The following TANC2 variants were observed in gnomAD, a reference collection of about 807,000 sequenced individuals.
The protein encoded by TANC2 is protein TANC2.
TANC2 carries 26 observed loss-of-function variants against 210.5 expected under a neutral mutation model. The ratio of observed to expected loss-of-function variants is 0.12; its 90% CI spans 0.09 to 0.17. The LOEUF (loss-of-function observed/expected upper bound fraction) is 0.17. TANC2 is among the 10% of genes least tolerant of loss of function. The pLI, the probability that TANC2 is intolerant of heterozygous loss-of-function variation, is 1.00. For synonymous variants in TANC2, 931 were observed against 967.1 expected (o/e 0.96, Z 0.69); for missense variants, 2,129 against 2,608.9 (o/e 0.82, Z 4.01).
At chr17:62,991,695 A>AAT (rs1208276806) in intron 1 of TANC2, among the ~76,000 whole-genome samples, 1 of 152,110 alleles carries the variant, frequency 6.6e-6, no homozygotes, top group African/African-American at 2.4e-5. Flanking sequence ...AATACAAATA[A>AAT]ATATAGTATA....
rs1396524583 is a variant in TANC2 at position 63,417,229 on chromosome 17, A to C, written c.4168-1078A>C. ...GAGGATTTCCCATCAACTTTTAAAA[A>C]ATTTTTTTACCTATGCCCCAGGGCC... On this transcript the variant is annotated intron_variant, in intron 26 of 27. Transcript: ENST00000689528. 3.3e-5 allele frequency among the ~76,000 whole-genome samples: 5 copies of C among 152,058 alleles called. No individual in the cohort carries two copies. In the South Asian group the frequency reaches 1.0e-3, roughly 32 times the overall value.
chr17:63,232,688 A>G (rs2042509898), intron 7 of TANC2, among the ~76,000 whole-genome samples: 2 of 152,158 alleles, frequency 1.3e-5, no homozygotes, highest in Admixed American at 1.3e-4. Context: ...CCTCCTGTAT[A>G]AGGTGTCTGG....
intron 9 of TANC2, among the ~76,000 whole-genome samples, chr17:63,269,794 T>G (rs1199341017): frequency 6.6e-6 from 1 of 152,132 alleles, no homozygotes; most frequent in African/African-American, 2.4e-5. Flanking sequence ...ATCTTTTCCA[T>G]TGCATTGATC....
chr17:63,402,778 G>T lies in TANC2; in HGVS notation c.3332-2344G>T, dbSNP rs143051781. ...TTAGGAAGAAAGTTGGTTCCTAACT[G>T]CTCTGTTTGCAGTTTGGTGTTTTAT... On this transcript the variant is annotated intron_variant, in intron 19 of 27. Transcript: ENST00000689528. Among the ~76,000 whole-genome samples, 6 of 152,314 alleles carry T rather than the reference G, an allele frequency of 3.9e-5. No individual in the cohort carries two copies. In the East Asian group the frequency reaches 1.2e-3, roughly 29 times the overall value.
intron 3 of TANC2, among the ~76,000 whole-genome samples, chr17:63,096,454 A>G (rs977686341): frequency 2.6e-5 from 4 of 152,186 alleles, no homozygotes; most frequent in Non-Finnish European, 4.4e-5. Context: ...AACATGGCAG[A>G]TTGTGGATTT....
chr17:62,980,280 C>T (rs560838140), intron 1 of TANC2, among the ~76,000 whole-genome samples: 2 of 152,288 alleles, frequency 1.3e-5, no homozygotes, highest in African/African-American at 4.8e-5. Flanking sequence ...GACTTCTGGG[C>T]TCTCTCCCAC....
At chr17:63,360,744 G>A (rs2046932477) in intron 14 of TANC2, among the ~76,000 whole-genome samples, 2 of 152,028 alleles carry the variant, frequency 1.3e-5, no homozygotes, top group Admixed American at 1.3e-4. Flanking sequence ...TTCTTTCTAT[G>A]TTTTGTACCC....
chr17:63,046,384 G>T (rs1432494273), intron 2 of TANC2, among the ~76,000 whole-genome samples: 1 of 137,342 alleles, frequency 7.3e-6, no homozygotes, highest in African/African-American at 2.8e-5. Flanking sequence ...CCAGGCTGGA[G>T]TGCAGTGGCG....
chr17:62,971,613 A>G (rs2031698097), intron 1 of TANC2, among the ~76,000 whole-genome samples: 1 of 152,190 alleles, frequency 6.6e-6, no homozygotes, highest in African/African-American at 2.4e-5. Flanking sequence ...TACAGGTGTG[A>G]GCCAACTGTG....
intron 4 of TANC2, among the ~76,000 whole-genome samples, chr17:63,136,557 G>C (rs1027042417): frequency 1.3e-5 from 2 of 152,174 alleles, no homozygotes; most frequent in African/African-American, 4.8e-5. Context: ...ATTATAGGCA[G>C]TACTAAGGAT....
rs570083461 is a variant in TANC2, at chr17:63,370,386, G to A, written c.2583-9332G>A. The stretch of plus-strand genomic sequence containing the variant: ...GTAGAGACAGAGTTTCACCATGTTA[G>A]CCAGGATGGTTTCGATCTCCTGACC... On this transcript the variant is annotated intron_variant, in intron 14 of 27. Coordinates refer to ENST00000689528, the Ensembl canonical transcript of TANC2. Among the ~76,000 whole-genome samples, 334 of 151,908 alleles carry A rather than the reference G, an allele frequency of 2.2e-3. 1 individual carries two copies. The highest frequency in any genetic ancestry group is 0.01 in the Middle Eastern group (3 of 292).
chr17:63,035,855 C>G (rs2034951443), intron 2 of TANC2, among the ~76,000 whole-genome samples: 1 of 152,158 alleles, frequency 6.6e-6, no homozygotes, highest in African/African-American at 2.4e-5. Context: ...GCTCCACCCA[C>G]TTGGTAGCAC....
In TANC2 at chr17:63,259,489, G is replaced by A. The variant is rs74775113; in HGVS notation, c.1034-8259G>A. ...GCAGGGGGACAGGGAAACAATCGTTGGAGGGTATTATTTGACTATCTTGTT... is the reference window on the plus strand; with the variant it reads ...GCAGGGGGACAGGGAAACAATCGTTAGAGGGTATTATTTGACTATCTTGTT... On this transcript the variant is annotated intron_variant, in intron 8 of 27. Coordinates refer to ENST00000689528, the Ensembl canonical transcript of TANC2. Among the ~76,000 whole-genome samples, 1,490 of 152,252 alleles carry A rather than the reference G, an allele frequency of 9.8e-3. 5 individuals carry two copies. The highest frequency in any genetic ancestry group is 0.02 in the Middle Eastern group (6 of 294).
chr17:63,392,358 C>A (rs1308499099), intron 17 of TANC2, among the ~76,000 whole-genome samples: 1 of 152,156 alleles, frequency 6.6e-6, no homozygotes, highest in Non-Finnish European at 1.5e-5. Context: ...GCATCTTTAC[C>A]CTCCTCTTTC....
At chr17:63,115,890 C>T (rs986798371) in intron 4 of TANC2, among the ~76,000 whole-genome samples, 1 of 152,070 alleles carries the variant, frequency 6.6e-6, no homozygotes, top group Non-Finnish European at 1.5e-5. Context: ...GCTGTTAGTC[C>T]AACTACAGTC....
At chr17:62,980,565 A>G (rs1056861722) in intron 1 of TANC2, among the ~76,000 whole-genome samples, 2 of 152,170 alleles carry the variant, frequency 1.3e-5, no homozygotes, top group Admixed American at 6.5e-5. Flanking sequence ...TTAACATGCA[A>G]TACTCTGGCT....
At chr17:62,967,320 C>T (rs1322983265) in intron 1 of TANC2, 1 of 151,772 alleles carries the variant, frequency 6.6e-6, no homozygotes, top group Non-Finnish European at 1.5e-5. Flanking sequence ...AGAAAGTAAC[C>T]ACGTGAAAGA....
At chr17:63,201,441 T>C (rs1412743331) in intron 7 of TANC2, among the ~76,000 whole-genome samples, 1 of 152,164 alleles carries the variant, frequency 6.6e-6, no homozygotes, top group Non-Finnish European at 1.5e-5. Flanking sequence ...TTCTTGTCAA[T>C]AAGACAGCCC....
intron 4 of TANC2, among the ~76,000 whole-genome samples, chr17:63,121,565 T>C (rs1257333096): frequency 6.6e-6 from 1 of 152,156 alleles, no homozygotes; most frequent in Non-Finnish European, 1.5e-5. Flanking sequence ...AAAGGAAACC[T>C]GGAAATTTCT....
Sources: allele counts gnomAD v4.1 joint callset (sites outside exome capture counted in the v4.1 genomes callset), GRCh38; gene constraint gnomAD v4.1.1; transcripts MANE v1.5; gene names NCBI Gene and HGNC (gene_info 2026-07-23, HGNC 2026-07-21).